Variants in ZC3H12B observed in about 807,000 individuals in gnomAD.
ZC3H12B encodes zinc finger CCCH-type containing 12B.
Under a neutral mutation model 43.9 loss-of-function variants are expected in ZC3H12B, and 7 were observed. The ratio of observed to expected loss-of-function variants is 0.16; its 90% CI spans 0.09 to 0.30. The LOEUF (loss-of-function observed/expected upper bound fraction) is 0.30, where lower values mean the gene tolerates loss of function less well. ZC3H12B is among the 10% of genes least tolerant of loss of function. The pLI is 1.00. For missense variants in ZC3H12B, 475 were observed against 670.2 expected (o/e 0.71, Z 3.22); for synonymous variants, 222 against 241.7 (o/e 0.92, Z 0.76).
chrX:65,440,888 C>G (rs947065750), intron 3 of ZC3H12B, among the ~76,000 whole-genome samples: 2 of 112,363 alleles, frequency 1.8e-5, no homozygotes, highest in Non-Finnish European at 3.7e-5. Flanking sequence ...TCTAAAGCCT[C>G]CAGTTTTTCT....
chrX:65,098,511 G>A, the ZC3H12B span, among the ~76,000 whole-genome samples: 1 of 109,818 alleles, frequency 9.1e-6, no homozygotes, highest in Non-Finnish European at 1.9e-5. Context: ...ACCAATGCAG[G>A]AGGCAGGTAA....
chrX:65,103,265 A>C, the ZC3H12B span, among the ~76,000 whole-genome samples: 1 of 111,690 alleles, frequency 9.0e-6, no homozygotes, highest in Non-Finnish European at 1.9e-5. Flanking sequence ...CTTGCTGAGA[A>C]AAAGAATTCA....
chrX:65,353,080 T>A, the ZC3H12B span, among the ~76,000 whole-genome samples: 3 of 110,700 alleles, frequency 2.7e-5, no homozygotes, highest in Non-Finnish European at 3.8e-5. Context: ...TGGTCTCAAA[T>A]TCTTGAGCTC....
the ZC3H12B span, among the ~76,000 whole-genome samples, chrX:65,139,711 A>G: frequency 8.9e-5 from 10 of 111,892 alleles, no homozygotes; most frequent in African/African-American, 3.2e-4. Flanking sequence ...ATTTCAATCT[A>G]TGAATACAGG....
At chrX:65,328,066 C>T in the ZC3H12B span, 1 of 263,414 alleles carries the variant, frequency 3.8e-6, no homozygotes, top group Non-Finnish European at 7.6e-6. Flanking sequence ...AATTCTTTGC[C>T]AGGTACTTTA....
chrX:65,461,326 C>T (rs769209416), intron 3 of ZC3H12B, among the ~76,000 whole-genome samples: 75 of 112,181 alleles, frequency 6.7e-4, no homozygotes, highest in Admixed American at 2.0e-3. Flanking sequence ...CTAGAAATAG[C>T]ATTTGATCCA....
the ZC3H12B span, among the ~76,000 whole-genome samples, chrX:65,260,982 T>C: frequency 1.8e-5 from 2 of 112,229 alleles, no homozygotes; most frequent in Non-Finnish European, 3.8e-5. Context: ...GTGCCTGTTA[T>C]ATATTATAAG....
the ZC3H12B span, among the ~76,000 whole-genome samples, chrX:65,265,994 G>T: frequency 9.0e-5 from 10 of 111,645 alleles, no homozygotes; most frequent in Non-Finnish European, 1.7e-4. Context: ...GAGCACAGTG[G>T]TCTCCCTGAG....
the ZC3H12B span, among the ~76,000 whole-genome samples, chrX:65,258,050 A>T: frequency 2.3e-4 from 26 of 111,727 alleles, no homozygotes; most frequent in African/African-American, 8.5e-4. Flanking sequence ...GGCCAGTGTC[A>T]TCCTGATACC....
intron 3 of ZC3H12B, among the ~76,000 whole-genome samples, chrX:65,417,444 T>G (rs1306893840): frequency 8.9e-6 from 1 of 112,522 alleles, no homozygotes; most frequent in East Asian, 2.8e-4. Context: ...GTTGGCTTTA[T>G]AAGCAGAATG....
At chrX:65,132,864 C>T in the ZC3H12B span, among the ~76,000 whole-genome samples, 1 of 111,171 alleles carries the variant, frequency 9.0e-6, no homozygotes, top group African/African-American at 3.3e-5. Flanking sequence ...CTGTGATGGT[C>T]TAGGAGGCTT....
In ZC3H12B at chrX:65,503,204, C is replaced by T. The variant is rs1185939391; in HGVS notation, c.2506C>T (p.Arg836Cys). The T allele has an allele frequency of 6.8e-6, 8 of 1,184,862 alleles. No individual in the cohort carries two copies. In the African/African-American group the frequency reaches 1.1e-4, roughly 16 times the overall value. The change falls in exon 5 of 5, where the codon CGT (arginine) becomes TGT (cysteine). Residue 836 changes from arginine to cysteine, a missense_variant. Physicochemically the swap from Arg to Cys is radical, Grantham distance 180. Coordinates refer to ENST00000338957, the Ensembl canonical transcript of ZC3H12B. ...GATTGTTGCTAAGCTTAGGGCTGCA[C>T]GTTGATATGACATAGTACTTATTTC... is the stretch of plus-strand genomic sequence containing the variant.
At chrX:65,156,071 T>C in the ZC3H12B span, among the ~76,000 whole-genome samples, 3 of 111,468 alleles carry the variant, frequency 2.7e-5, no homozygotes, top group African/African-American at 6.5e-5. Context: ...AAGTTGGGTC[T>C]TTATAGAAAA....
chrX:65,249,776 G>C, the ZC3H12B span, among the ~76,000 whole-genome samples: 2 of 100,377 alleles, frequency 2.0e-5, no homozygotes, highest in Non-Finnish European at 4.0e-5. Flanking sequence ...TCAAGTTCTT[G>C]GTTAGGTATA....
chrX:65,188,551 A>G, the ZC3H12B span, among the ~76,000 whole-genome samples: 1 of 110,264 alleles, frequency 9.1e-6, no homozygotes, highest in Non-Finnish European at 1.9e-5. Flanking sequence ...TTGGATTTGC[A>G]TTTCTTTGAT....
intron 3 of ZC3H12B, among the ~76,000 whole-genome samples, chrX:65,436,891 G>T (rs1187916361): frequency 9.1e-6 from 1 of 110,486 alleles, no homozygotes; most frequent in Admixed American, 9.6e-5. Context: ...AATGGTTATT[G>T]GCTTTAGTCA....
chrX:65,141,952 G>T, the ZC3H12B span, among the ~76,000 whole-genome samples: 1 of 112,071 alleles, frequency 8.9e-6, no homozygotes, highest in Non-Finnish European at 1.9e-5. Context: ...TTGCAATTGT[G>T]AATTGTGCTG....
At chrX:65,367,673 C>CA (rs2066191126) in intron 1 of ZC3H12B, among the ~76,000 whole-genome samples, 1 of 111,329 alleles carries the variant, frequency 9.0e-6, no homozygotes, top group African/African-American at 3.3e-5. Flanking sequence ...TATTCCCTTT[C>CA]ATTATCTTTC....
At chrX:65,467,189 G>A (rs2067835805) in intron 3 of ZC3H12B, among the ~76,000 whole-genome samples, 1 of 107,013 alleles carries the variant, frequency 9.3e-6, no homozygotes, top group Non-Finnish European at 1.9e-5. Flanking sequence ...TTATAAGTGA[G>A]AAGATACGAT....
Sources: gnomAD v4.1 joint callset for allele counts (sites outside exome capture counted in the v4.1 genomes callset) on GRCh38, gnomAD v4.1.1 for gene constraint, MANE v1.5 for transcripts, NCBI Gene and HGNC (gene_info 2026-07-23, HGNC 2026-07-21) for gene names.